The following DNAH17 variants were observed in gnomAD, a reference collection of about 807,000 sequenced individuals.
DNAH17 encodes axonemal beta dynein heavy chain 17.
Under a neutral mutation model 485.6 loss-of-function variants are expected in DNAH17, and 376 were observed. The observed-to-expected ratio is 0.77, with a 90% CI of 0.71 to 0.84. DNAH17 has a LOEUF of 0.84. DNAH17 is among the 40% of genes least tolerant of loss of function. DNAH17 has a pLI of 0.00. For synonymous variants in DNAH17, 3,031 were observed against 2,405.9 expected (o/e 1.26, Z -7.60); for missense variants, 6,370 against 5,839.3 (o/e 1.09, Z -2.96).
Position 78,445,610 on chromosome 17 carries a change from C to G in DNAH17, c.11282G>C (p.Gly3761Ala). The change falls in exon 70 of 81, where the codon GGA becomes GCA. Residue 3761 changes from glycine to alanine, a missense_variant. Gly to Ala is a moderately conservative substitution (Grantham distance 60, BLOSUM62 0). Coordinates refer to ENST00000389840, the MANE Select transcript of DNAH17 (RefSeq NM_173628.4). ...DFLLRFPFKA[G>A]VVSPVDFLQH... ...GAGGAAGTCCACTGGTGAGACCACT[C>G]CGGCCTTAAAAGGGAACCGCAGGAG... 1.3e-6 allele frequency: 2 copies of G among 1,565,910 alleles called. No homozygotes were observed. The highest frequency in any genetic ancestry group is 1.7e-6 in the Non-Finnish European group (2 of 1,155,010).
rs182380350 is a variant in DNAH17 at position 78,475,391 on chromosome 17, C to A, written c.8398G>T (p.Val2800Leu). The A allele has an allele frequency of 2.0e-5, 33 of 1,613,962 alleles. No homozygotes were observed. In the Admixed American group the frequency reaches 5.2e-4, roughly 25 times the overall value. Residue 2800 changes from valine (V) to leucine (L), a missense_variant, in exon 54 of 81, where the codon GTG becomes TTG. Physicochemically the swap from Val to Leu is conservative, Grantham distance 32. Coordinates refer to ENST00000389840, the MANE Select transcript of DNAH17 (RefSeq NM_173628.4). Reference protein sequence around the residue: ...LESPRGNALLVGVGGSGKQSL... With the variant: ...LESPRGNALLLGVGGSGKQSL... ...TGTTTGCCACTGCCGCCCACCCCCACCAGCAGGGCATTCCCCCGGGGAGAC... is the reference window on the plus strand; with the variant it reads ...TGTTTGCCACTGCCGCCCACCCCCAACAGCAGGGCATTCCCCCGGGGAGAC...
intron 25 of DNAH17, chr17:78,522,316 G>C: frequency 3.6e-6 from 1 of 275,580 alleles, no homozygotes; most frequent in Non-Finnish European, 7.3e-6. Context: ...GTCCAACCAG[G>C]ACCCTCAGTA....
chr17:78,506,682 G>A, intron 30 of DNAH17, 38 bp downstream of exon 30: 3 of 1,613,122 alleles, frequency 1.9e-6, no homozygotes, highest in African/African-American at 2.7e-5. Flanking sequence ...CTGGCATGAT[G>A]TTGGCTTAAA....
In DNAH17 at chr17:78,569,209, A is replaced by G. The variant is rs144527559; in HGVS notation, c.1241T>C (p.Phe414Ser). 6 of 1,609,432 alleles carry G rather than the reference A, an allele frequency of 3.7e-6. No homozygotes were observed. The highest frequency in any genetic ancestry group is 2.7e-5 in the African/African-American group (2 of 74,978). ...CTGGAAGAAGGAATTTATCCTGGAA[A>G]AGGCAAGAGAAGAAGGGAATTCCCA... The part of the protein sequence containing the change: ...VPWEFPSSLA[F>S]SRINSFFQRI... The change falls in exon 9 of 81, where the codon TTT becomes TCT. Residue 414 changes from phenylalanine (F) to serine (S), a missense_variant. Coordinates refer to ENST00000389840, the MANE Select transcript of DNAH17 (RefSeq NM_173628.4).
At position 78,516,691 on chromosome 17, in the gene DNAH17, G is replaced by GAA. The variant is rs1168693263; in HGVS notation, c.3865-1671_3865-1670dup. Reference sequence around the variant, plus strand: ...GGCCACAGAGCAAGACTCCATCTCAGAAAAAAAAAAAAAAAAAAAAAGAGA... The same window carrying GAA: ...GGCCACAGAGCAAGACTCCATCTCAGAAAAAAAAAAAAAAAAAAAAAAAGAGA... On this transcript the variant is annotated intron_variant, in intron 25 of 80. Transcript: ENST00000389840. Among the ~76,000 whole-genome samples the GAA allele has an allele frequency of 2.5e-3, 220 of 87,924 alleles. 1 individual carries two copies. Among genetic ancestry groups the GAA allele is most frequent in the South Asian group, 6.7e-3 (19 of 2,816 alleles). The allele number at this position is 87,924 out of a possible 152,430, so 57.7% of individuals were successfully genotyped here. A position where few individuals can be genotyped will look rare whatever the true frequency, so the allele number is the denominator to read the frequency against.
intron 77 of DNAH17, 61 bp from the exon 78 acceptor site, chr17:78,427,169 G>T: frequency 1.3e-6 from 2 of 1,525,350 alleles, no homozygotes; most frequent in South Asian, 1.2e-5. Context: ...CCCACTGCAG[G>T]GTCAGGGAGC....
At position 78,532,723 on chromosome 17, in the gene DNAH17, T is replaced by C. The variant is rs769271653; in HGVS notation, c.2873A>G (p.Asp958Gly). The C allele has an allele frequency of 6.3e-7, 1 of 1,591,982 alleles. No individual in the cohort carries two copies. Among genetic ancestry groups the C allele is most frequent in the East Asian group, 2.3e-5 (1 of 44,414 alleles). ...DRMNYKMDLE[D>G]NTDLIEMREE... Reference sequence around the variant, plus strand: ...CCTCATCTCTATGAGGTCTGTGTTATCTTCCAGGTCCATCTGAAAGGGGCA... The same window carrying C: ...CCTCATCTCTATGAGGTCTGTGTTACCTTCCAGGTCCATCTGAAAGGGGCA... The change falls in exon 20 of 81, where the codon GAT becomes GGT. Residue 958 changes from aspartate to glycine, a missense_variant. Coordinates refer to ENST00000389840, the MANE Select transcript of DNAH17 (RefSeq NM_173628.4).
intron 54 of DNAH17, among the ~76,000 whole-genome samples, chr17:78,470,400 A>T (rs1453970896): frequency 2.0e-5 from 3 of 150,878 alleles, no homozygotes; most frequent in African/African-American, 4.9e-5. Context: ...AAAAAAAATT[A>T]AAAAACAGGC....
At chr17:78,450,654 C>G (rs1269698716) in intron 67 of DNAH17, 28 bp downstream of exon 67, 1 of 1,599,520 alleles carries the variant, frequency 6.3e-7, no homozygotes, top group African/African-American at 1.3e-5. Context: ...CCCTGGCTGC[C>G]AGGGCACGTC....
intron 54 of DNAH17, among the ~76,000 whole-genome samples, chr17:78,474,603 C>T (rs2088921077): frequency 6.6e-6 from 1 of 152,232 alleles, no homozygotes; most frequent in Non-Finnish European, 1.5e-5. Flanking sequence ...AGGGATCCAA[C>T]CTCTCTGCCT....
In DNAH17 at chr17:78,495,883, G is replaced by A. The variant is rs1176487186; in HGVS notation, c.5895C>T (p.Ala1965=). 1.9e-6 allele frequency: 3 copies of A among 1,613,350 alleles called. No individual in the cohort carries two copies. The highest frequency in any genetic ancestry group is 3.3e-5 in the Admixed American group (2 of 59,932). The change falls in exon 38 of 81, where the codon GCC becomes GCT. Residue 1965 remains alanine, a synonymous_variant. Coordinates refer to ENST00000389840, the MANE Select transcript of DNAH17 (RefSeq NM_173628.4). ...TCACCTGGGCCACGTACCTGAATAA[G>A]GCTTTTAGGTTCTCAGGCAGCTCCG... ...GRAELPENLK[A]LFRPCAMVVP...
At position 78,427,125 on chromosome 17, in the gene DNAH17, G is replaced by A. The variant is rs771929306; in HGVS notation, c.12589-17C>T. 95 of 1,560,130 alleles carry A rather than the reference G, an allele frequency of 6.1e-5. No homozygotes were observed. Among genetic ancestry groups the A allele is most frequent in the Non-Finnish European group, 7.6e-5 (88 of 1,152,330 alleles). On this transcript the variant is annotated splice_polypyrimidine_tract_variant and intron_variant, in intron 77 of 80. Transcript: ENST00000389840. ...GGCCTTCACCTGGAAGCCAGTCCCC[G>A]GACAGCCCCTGTCACTGCAAAGAGC...
intron 68 of DNAH17, chr17:78,449,814 A>G (rs1357628345): frequency 3.8e-6 from 2 of 523,808 alleles, no homozygotes; most frequent in Non-Finnish European, 6.9e-6. Flanking sequence ...TCAGCCTCCC[A>G]AGGCGCACAC....
In DNAH17 at chr17:78,507,669, T is replaced by C. The variant is rs766613607; in HGVS notation, c.4373A>G (p.Asn1458Ser). 4.3e-6 allele frequency: 7 copies of C among 1,613,500 alleles called. No individual in the cohort carries two copies. The Admixed American group carries it at 5.0e-5, about 12-fold the overall frequency. ...TLEDNQVQLQ[N>S]LMMSKYLAHF... ...GGCCAGGTACTTGGACATCATCAGG[T>C]TCTGCAGCTGCACCTGGTTGTCCTC... Residue 1458 changes from asparagine (N) to serine (S), a missense_variant, in exon 28 of 81, where the codon AAC becomes AGC. By Grantham distance (46) the Asn-to-Ser change is conservative. Transcript: ENST00000389840.
intron 60 of DNAH17, 144 bp downstream of exon 60, chr17:78,459,640 T>TG: frequency 2.3e-6 from 2 of 854,434 alleles, no homozygotes. Flanking sequence ...GCTGTGTTCT[T>TG]GGGGTGCTGT....
At position 78,558,259 on chromosome 17, in the gene DNAH17, A is replaced by G. The variant is rs1568252276; in HGVS notation, c.2032-5T>C. 2 of 1,612,840 alleles carry G rather than the reference A, an allele frequency of 1.2e-6. No individual in the cohort carries two copies. Among genetic ancestry groups the G allele is most frequent in the Non-Finnish European group, 1.7e-6 (2 of 1,179,524 alleles). ...TTCTCTCAGAACTGCCACCAACTAA[A>G]TGACAAACGAAGATCAAAGAACATG... is the stretch of plus-strand genomic sequence containing the variant. On this transcript the variant is annotated splice_region_variant and splice_polypyrimidine_tract_variant and intron_variant, in intron 13 of 80. Transcript: ENST00000389840.
chr17:78,479,585 G>T lies in DNAH17; in HGVS notation c.7800C>A (p.Leu2600=). 1 of 1,613,546 alleles carries T rather than the reference G, an allele frequency of 6.2e-7. No individual in the cohort carries two copies. Among genetic ancestry groups the T allele is most frequent in the Non-Finnish European group, 8.5e-7 (1 of 1,179,858 alleles). ...TCAGGATTGTGTTGTAGATGGTGGT[G>T]AGGGCCTCCTGGCCGGGGAAGCTCA... ...FAVSFPGQEA[L]TTIYNTILTQ... The change falls in exon 50 of 81, where the codon CTC becomes CTA. Residue 2600 remains leucine (L), a synonymous_variant. Transcript: ENST00000389840.
rs1568034046 is a variant in DNAH17 at position 78,426,442 on chromosome 17, GA to G, written c.12915+14del. Reference sequence around the variant, plus strand: ...CCCGAGTCTTAGGAAGCCTCTCAGAGAAAACGGCACTTACCCTGATGCGGAG... The same window carrying G: ...CCCGAGTCTTAGGAAGCCTCTCAGAGAAACGGCACTTACCCTGATGCGGAG... On this transcript the variant is annotated intron_variant, in intron 79 of 80. Coordinates refer to ENST00000389840, the MANE Select transcript of DNAH17 (RefSeq NM_173628.4). 1 of 1,580,690 alleles carries G rather than the reference GA, an allele frequency of 6.3e-7. No homozygotes were observed. Among genetic ancestry groups the G allele is most frequent in the African/African-American group, 1.4e-5 (1 of 73,962 alleles).
chr17:78,542,275 G>A (rs954925082), intron 17 of DNAH17, among the ~76,000 whole-genome samples: 5 of 151,628 alleles, frequency 3.3e-5, no homozygotes, highest in African/African-American at 1.2e-4. Flanking sequence ...AGCCTCCCAA[G>A]TAGCTAGGAT....
Sources: gnomAD v4.1 joint callset for allele counts (sites outside exome capture counted in the v4.1 genomes callset) on GRCh38, gnomAD v4.1.1 for gene constraint, MANE v1.5 for transcripts, NCBI Gene and HGNC (gene_info 2026-07-23, HGNC 2026-07-21) for gene names.